Variants in YEATS2 observed in about 807,000 individuals in gnomAD.
YEATS2 encodes the protein YEATS domain containing 2.
A neutral mutation model predicts 163.2 loss-of-function variants in YEATS2; 77 were observed. The observed-to-expected ratio is 0.47, with a 90% CI of 0.39 to 0.57. The LOEUF (loss-of-function observed/expected upper bound fraction) is 0.57, where lower values mean the gene tolerates loss of function less well. YEATS2 is among the 20% of genes least tolerant of loss of function. The pLI is 0.00. For synonymous variants in YEATS2, 631 were observed against 645.1 expected (o/e 0.98, Z 0.33); for missense variants, 1,549 against 1,729.8 (o/e 0.90, Z 1.85).
At chr3:183,712,550 G>A (rs1024271296) in intron 1 of YEATS2, among the ~76,000 whole-genome samples, 4 of 151,916 alleles carry the variant, frequency 2.6e-5, no homozygotes, top group Non-Finnish European at 5.9e-5. Flanking sequence ...CAGTAATTCT[G>A]CCTCTGGCTA....
chr3:183,723,772 C>A (rs1187091396), intron 5 of YEATS2, among the ~76,000 whole-genome samples: 1 of 152,056 alleles, frequency 6.6e-6, no homozygotes, highest in African/African-American at 2.4e-5. Context: ...ATTACCTGGG[C>A]TTAGTGGCGG....
At chr3:183,705,288 G>A (rs556064134) in intron 1 of YEATS2, among the ~76,000 whole-genome samples, 36 of 152,254 alleles carry the variant, frequency 2.4e-4, no homozygotes, top group African/African-American at 7.7e-4. Flanking sequence ...GAGCTCAAGC[G>A]AGTCACCTGC....
At chr3:183,789,328 C>T (rs1181641937) in intron 20 of YEATS2, among the ~76,000 whole-genome samples, 1 of 151,970 alleles carries the variant, frequency 6.6e-6, no homozygotes, top group East Asian at 1.9e-4. Context: ...CATTCTTCTG[C>T]ATAAAGATAT....
At chr3:183,754,445 G>C in intron 11 of YEATS2, 80 bp downstream of exon 11, 2 of 1,504,592 alleles carry the variant, frequency 1.3e-6, no homozygotes, top group Non-Finnish European at 1.8e-6. Context: ...AAAATACTTG[G>C]CTTTTTTTCT....
At chr3:183,733,844 G>C (rs1028567281) in intron 7 of YEATS2, among the ~76,000 whole-genome samples, 61 of 151,578 alleles carry the variant, frequency 4.0e-4, no homozygotes, top group Non-Finnish European at 1.6e-4. Flanking sequence ...TGTGAACTTT[G>C]CTTTTTTTTT....
intron 9 of YEATS2, among the ~76,000 whole-genome samples, chr3:183,751,188 T>A (rs886101033): frequency 1.3e-5 from 2 of 152,244 alleles, no homozygotes; most frequent in Non-Finnish European, 2.9e-5. Context: ...CTGGCACCAT[T>A]TGCTGAAAAT....
intron 4 of YEATS2, 79 bp from the exon 5 acceptor site, chr3:183,721,812 G>A (rs1716518154): frequency 1.3e-6 from 2 of 1,544,152 alleles, no homozygotes; most frequent in Non-Finnish European, 1.8e-6. Context: ...TAATAGATAA[G>A]GTTTTGGAGA....
intron 15 of YEATS2, among the ~76,000 whole-genome samples, chr3:183,767,066 C>G (rs1721979121): frequency 6.6e-6 from 1 of 152,192 alleles, no homozygotes; most frequent in South Asian, 2.1e-4. Context: ...TGTCCATAAT[C>G]AGCTGCAGAG....
intron 13 of YEATS2, among the ~76,000 whole-genome samples, chr3:183,759,393 T>G (rs964699097): frequency 5.9e-5 from 9 of 152,132 alleles, no homozygotes; most frequent in African/African-American, 9.7e-5. Flanking sequence ...AAAAACTTAC[T>G]GTGATAAGAT....
At chr3:183,725,885 T>C (rs778213696) in intron 6 of YEATS2, among the ~76,000 whole-genome samples, 2 of 152,214 alleles carry the variant, frequency 1.3e-5, no homozygotes, top group Non-Finnish European at 2.9e-5. Flanking sequence ...ATGGGTTCCT[T>C]TGACTTTTTG....
At chr3:183,733,198 G>A (rs148614292) in intron 7 of YEATS2, among the ~76,000 whole-genome samples, 26 of 152,308 alleles carry the variant, frequency 1.7e-4, no homozygotes, top group African/African-American at 6.0e-4. Context: ...GGAGGTGGCT[G>A]GTTTTGTTTG....
At chr3:183,788,739 T>G (rs1323886777) in intron 20 of YEATS2, among the ~76,000 whole-genome samples, 1 of 152,210 alleles carries the variant, frequency 6.6e-6, no homozygotes, top group East Asian at 1.9e-4. Flanking sequence ...TCTATCGTGA[T>G]TGTACTAACT....
intron 18 of YEATS2, 27 bp downstream of exon 18, chr3:183,776,150 A>G: frequency 6.5e-7 from 1 of 1,526,920 alleles, no homozygotes; most frequent in Non-Finnish European, 8.8e-7. Context: ...CTGATATTTT[A>G]AATCATTTAG....
chr3:183,794,987 T>C (rs1724999672), intron 21 of YEATS2, among the ~76,000 whole-genome samples: 1 of 142,222 alleles, frequency 7.0e-6, no homozygotes, highest in Non-Finnish European at 1.5e-5. Flanking sequence ...CTGGGCAATG[T>C]GACAAGACCC....
At chr3:183,706,759 C>T (rs1378944436) in intron 1 of YEATS2, among the ~76,000 whole-genome samples, 3 of 151,984 alleles carry the variant, frequency 2.0e-5, no homozygotes, top group Non-Finnish European at 2.9e-5. Flanking sequence ...GAGGTTGCCG[C>T]GAGCTGAGAT....
intron 20 of YEATS2, among the ~76,000 whole-genome samples, chr3:183,786,948 T>C (rs1244935966): frequency 6.6e-6 from 1 of 152,160 alleles, no homozygotes; most frequent in East Asian, 1.9e-4. Flanking sequence ...TGCTGGATTA[T>C]AAGGTAACTT....
chr3:183,772,080 A>G (rs1240124562), intron 15 of YEATS2, among the ~76,000 whole-genome samples: 1 of 152,196 alleles, frequency 6.6e-6, no homozygotes, highest in African/African-American at 2.4e-5. Flanking sequence ...AAAGTAAATT[A>G]TAAAAAGTAG....
intron 1 of YEATS2, among the ~76,000 whole-genome samples, chr3:183,698,528 C>T (rs1284978338): frequency 1.3e-5 from 2 of 152,166 alleles, no homozygotes; most frequent in Non-Finnish European, 2.9e-5. Context: ...AGGACTCCTG[C>T]AGGAAAGGCT....
intron 4 of YEATS2, among the ~76,000 whole-genome samples, chr3:183,719,832 C>T (rs1407821039): frequency 6.6e-6 from 1 of 152,160 alleles, no homozygotes; most frequent in African/African-American, 2.4e-5. Flanking sequence ...CTGCCTCAGC[C>T]TCCTGAGTAG....
Sources: allele counts gnomAD v4.1 joint callset (sites outside exome capture counted in the v4.1 genomes callset), GRCh38; gene constraint gnomAD v4.1.1; transcripts MANE v1.5; gene names NCBI Gene and HGNC (gene_info 2026-07-23, HGNC 2026-07-21).